The following TMEM108 variants were observed in gnomAD, a reference collection of about 807,000 sequenced individuals.
TMEM108 encodes transmembrane protein 108.
TMEM108 carries 12 observed loss-of-function variants against 35.1 expected under a neutral mutation model. The observed-to-expected ratio is 0.34, with a 90% CI of 0.22 to 0.55. The LOEUF is 0.55. Among genes scored for constraint, TMEM108 ranks in the 20% least tolerant of loss-of-function variants. The pLI is 0.89. For synonymous variants in TMEM108, 287 were observed against 308.6 expected, an observed-to-expected ratio of 0.93 and a Z score of 0.73; for missense variants, 680 against 753.3, an observed-to-expected ratio of 0.90 and a Z score of 1.14.
intron 2 of TMEM108, among the ~76,000 whole-genome samples, chr3:133,165,992 GTCT>G (rs1375038515): frequency 6.6e-6 from 1 of 152,230 alleles, no homozygotes; most frequent in African/African-American, 2.4e-5. Context: ...ATGGTTGGTG[GTCT>G]TCTCATCAGG....
chr3:133,344,697 G>C (rs1513362), intron 3 of TMEM108, among the ~76,000 whole-genome samples: 1 of 151,720 alleles, frequency 6.6e-6, no homozygotes, highest in Non-Finnish European at 1.5e-5. Flanking sequence ...GCACCTTTCA[G>C]TCTAGTAAGG....
chr3:133,210,504 G>A (rs1385405866), intron 2 of TMEM108, among the ~76,000 whole-genome samples: 1 of 152,110 alleles, frequency 6.6e-6, no homozygotes, highest in African/African-American at 2.4e-5. Context: ...AAAGACCTAG[G>A]GATATATGTT....
intron 2 of TMEM108, among the ~76,000 whole-genome samples, chr3:133,189,562 T>C (rs1945469795): frequency 6.6e-6 from 1 of 152,198 alleles, no homozygotes; most frequent in South Asian, 2.1e-4. Flanking sequence ...ATCACATGAT[T>C]TTTTAAAAGC....
chr3:133,346,411 AC>A lies in TMEM108; in HGVS notation c.41-33340del, dbSNP rs1442559912. On this transcript the variant is annotated intron_variant, in intron 3 of 5. Coordinates refer to ENST00000321871, the MANE Select transcript of TMEM108 (RefSeq NM_023943.4). The surrounding 1 kb of genome is among the most constrained non-coding windows in gnomAD (Gnocchi z 4.0). ...TGTTTTAATTGACAGTTCTCTAATG[AC>A]ATATGACATTGAACATCTTTTCATA... 6.6e-6 allele frequency among the ~76,000 whole-genome samples: 1 copy of A among 152,014 alleles called. No homozygotes were observed. The highest frequency in any genetic ancestry group is 6.6e-5 in the Admixed American group (1 of 15,236).
intron 3 of TMEM108, among the ~76,000 whole-genome samples, chr3:133,370,439 T>C (rs985593608): frequency 3.6e-4 from 55 of 152,224 alleles, no homozygotes; most frequent in African/African-American, 1.3e-3. Flanking sequence ...CATATTGTCA[T>C]CATGACATTA....
At chr3:133,107,716 G>A (rs923913567) in intron 2 of TMEM108, among the ~76,000 whole-genome samples, 1 of 152,138 alleles carries the variant, frequency 6.6e-6, no homozygotes, top group Non-Finnish European at 1.5e-5. Context: ...CACATCCTGA[G>A]TCTCTGAGAA....
At chr3:133,343,676 T>A (rs1390322223) in intron 3 of TMEM108, among the ~76,000 whole-genome samples, 1 of 151,768 alleles carries the variant, frequency 6.6e-6, no homozygotes, top group Admixed American at 6.6e-5. Context: ...TTGTCAGTGA[T>A]TGGGGGAGGA....
chr3:133,238,550 C>T (rs1177327748), intron 3 of TMEM108, among the ~76,000 whole-genome samples: 1 of 152,194 alleles, frequency 6.6e-6, no homozygotes. Context: ...GCCTCTGCCA[C>T]TAAATTCTCC....
chr3:133,336,179 C>T (rs2071496865), intron 3 of TMEM108, among the ~76,000 whole-genome samples: 1 of 152,100 alleles, frequency 6.6e-6, no homozygotes, highest in South Asian at 2.1e-4. Flanking sequence ...GAACTGAGCT[C>T]AGAACCAGTG....
chr3:133,181,510 C>A (rs967989022), intron 2 of TMEM108, among the ~76,000 whole-genome samples: 23 of 152,064 alleles, frequency 1.5e-4, no homozygotes, highest in African/African-American at 5.6e-4. Context: ...TAAATTAGAT[C>A]TAATGTTTAG....
At chr3:133,234,821 G>A (rs1196877179) in intron 3 of TMEM108, among the ~76,000 whole-genome samples, 2 of 152,184 alleles carry the variant, frequency 1.3e-5, no homozygotes, top group African/African-American at 4.8e-5. Flanking sequence ...GTCCCTGTTT[G>A]CAGACGACAT....
At chr3:133,082,119 G>A (rs1943819171) in intron 2 of TMEM108, among the ~76,000 whole-genome samples, 1 of 152,188 alleles carries the variant, frequency 6.6e-6, no homozygotes, top group African/African-American at 2.4e-5. Flanking sequence ...TCTGCTTTGT[G>A]CTCTCTCCTT....
chr3:133,077,826 A>G (rs1521083), intron 2 of TMEM108, among the ~76,000 whole-genome samples: 96,560 of 151,786 alleles, frequency 0.64, 31,342 homozygotes, highest in African/African-American at 0.77. Context: ...TTTTGTGTAT[A>G]GAGTAAATAG....
At chr3:133,199,473 T>C (rs549498949) in intron 2 of TMEM108, among the ~76,000 whole-genome samples, 37 of 152,240 alleles carry the variant, frequency 2.4e-4, no homozygotes, top group Non-Finnish European at 5.0e-4. Flanking sequence ...TTGGTGTGGA[T>C]GTCCTTTCTG....
chr3:133,067,289 G>A (rs1025844195), intron 2 of TMEM108, among the ~76,000 whole-genome samples: 9 of 152,054 alleles, frequency 5.9e-5, no homozygotes, highest in Admixed American at 5.2e-4. Flanking sequence ...TATGATACTT[G>A]GCATTGTGTG....
chr3:133,387,561 G>A (rs1226813481), intron 4 of TMEM108: 1 of 984,328 alleles, frequency 1.0e-6, no homozygotes, highest in Non-Finnish European at 1.2e-6. Context: ...GGAGGACTTG[G>A]ATTCTGCAAC....
chr3:133,177,949 G>A (rs925589370), intron 2 of TMEM108, among the ~76,000 whole-genome samples: 3 of 152,034 alleles, frequency 2.0e-5, no homozygotes, highest in African/African-American at 4.8e-5. Flanking sequence ...CAAGCTGATA[G>A]GCAACTTCAA....
chr3:133,087,306 T>G (rs1943895944), intron 2 of TMEM108, among the ~76,000 whole-genome samples: 1 of 152,136 alleles, frequency 6.6e-6, no homozygotes, highest in African/African-American at 2.4e-5. Flanking sequence ...CCCATGCACC[T>G]CTCTTGTTCT....
At chr3:133,063,030 G>A (rs2107683405) in intron 2 of TMEM108, among the ~76,000 whole-genome samples, 1 of 152,274 alleles carries the variant, frequency 6.6e-6, no homozygotes, top group East Asian at 1.9e-4. Flanking sequence ...GTGAAAAGCT[G>A]TAGTATCCAA....
Sources: allele counts gnomAD v4.1 joint callset (sites outside exome capture counted in the v4.1 genomes callset), GRCh38; gene constraint gnomAD v4.1.1; non-coding constraint Gnocchi (gnomAD v3.1); transcripts MANE v1.5; gene names NCBI Gene and HGNC (gene_info 2026-07-23, HGNC 2026-07-21).